LARP1B: variants seen among roughly 807,000 people sequenced by gnomAD.
LARP1B encodes the protein la-related protein 1B.
Under a neutral mutation model 114.2 loss-of-function variants are expected in LARP1B, and 76 were observed. That is an observed-to-expected ratio of 0.67 (90% CI 0.55 to 0.81). The LOEUF (loss-of-function observed/expected upper bound fraction) is 0.81. Among genes scored for constraint, LARP1B ranks in the 30% least tolerant of loss-of-function variants. LARP1B has a pLI of 0.00. For missense variants in LARP1B, 1,014 were observed against 1,075.8 expected, an observed-to-expected ratio of 0.94 and a Z score of 0.80; for synonymous variants, 345 against 348.0, an observed-to-expected ratio of 0.99 and a Z score of 0.10.
At chr4:128,145,917 T>C (rs1158057340) in intron 11 of LARP1B, among the ~76,000 whole-genome samples, 1 of 152,188 alleles carries the variant, frequency 6.6e-6, no homozygotes, top group Non-Finnish European at 1.5e-5. Flanking sequence ...CATTACATCA[T>C]AAAATTAAAA....
intron 15 of LARP1B, among the ~76,000 whole-genome samples, chr4:128,181,180 C>CTT (rs70966086): frequency 2.3e-5 from 3 of 130,018 alleles, no homozygotes; most frequent in African/African-American, 8.3e-5. Flanking sequence ...CTCATCCATT[C>CTT]TTTTTTTTTT....
chr4:128,083,586 C>T (rs1239812341), intron 5 of LARP1B, among the ~76,000 whole-genome samples: 2 of 148,408 alleles, frequency 1.3e-5, no homozygotes, highest in African/African-American at 5.0e-5. Context: ...ACCCCCCCAC[C>T]TCCCTCCCAG....
chr4:128,061,536 CGCGGCCTCGGCGGGCGGCGGCA>C, intron 1 of LARP1B, 135 bp downstream of exon 1: 2 of 309,020 alleles, frequency 6.5e-6, no homozygotes, highest in Non-Finnish European at 9.4e-6. Context: ...CCGGGCGCTG[CGCGGCCTCGGCGGGCGGCGGCA>C]GCGGCGGCCA....
chr4:128,161,438 G>C (rs536100296), intron 11 of LARP1B, among the ~76,000 whole-genome samples: 1 of 152,296 alleles, frequency 6.6e-6, no homozygotes, highest in Non-Finnish European at 1.5e-5. Context: ...AATATACTGA[G>C]TCTCTTTGCT....
intron 19 of LARP1B, among the ~76,000 whole-genome samples, chr4:128,208,161 C>T (rs1758086911): frequency 6.6e-6 from 1 of 151,948 alleles, no homozygotes; most frequent in Admixed American, 6.6e-5. Flanking sequence ...AACTCTGTCT[C>T]TACTAAAAAT....
At chr4:128,061,862 A>T (rs1050791854) in intron 1 of LARP1B, 1 of 984,864 alleles carries the variant, frequency 1.0e-6, no homozygotes, top group Non-Finnish European at 1.2e-6. Flanking sequence ...CGCGGCCGCC[A>T]CTAGCGCTGG....
At chr4:128,069,673 C>A in intron 1 of LARP1B, 1 of 497,036 alleles carries the variant, frequency 2.0e-6, no homozygotes, top group South Asian at 2.3e-5. Flanking sequence ...ATTAAAATCA[C>A]AATATGGGTT....
At chr4:128,111,477 T>C (rs1403602608) in intron 9 of LARP1B, among the ~76,000 whole-genome samples, 1 of 151,954 alleles carries the variant, frequency 6.6e-6, no homozygotes, top group African/African-American at 2.4e-5. Flanking sequence ...GGTGAGAGGA[T>C]TGCTTGAGGC....
intron 9 of LARP1B, chr4:128,108,705 A>G (rs980920903): frequency 1.0e-6 from 1 of 984,568 alleles, no homozygotes; most frequent in African/African-American, 1.7e-5. Flanking sequence ...TATAAGTTAG[A>G]TTTATTTATG....
chr4:128,096,181 G>A (rs1426480182), intron 7 of LARP1B, among the ~76,000 whole-genome samples: 4 of 151,974 alleles, frequency 2.6e-5, no homozygotes, highest in Non-Finnish European at 4.4e-5. Context: ...TTTTAGTAGA[G>A]ACAGGGTTTC....
chr4:128,136,795 G>T (rs866974900), intron 11 of LARP1B, among the ~76,000 whole-genome samples: 19 of 152,172 alleles, frequency 1.2e-4, no homozygotes, highest in Middle Eastern at 3.4e-3. Context: ...TAGAGATGAG[G>T]TCTCACTATG....
At chr4:128,118,491 C>G (rs922833376) in intron 10 of LARP1B, among the ~76,000 whole-genome samples, 3 of 151,960 alleles carry the variant, frequency 2.0e-5, no homozygotes, top group African/African-American at 7.3e-5. Flanking sequence ...CCGCCTCAGC[C>G]TCCCAAAGTG....
intron 5 of LARP1B, among the ~76,000 whole-genome samples, chr4:128,083,956 C>T (rs1772102765): frequency 6.6e-6 from 1 of 151,584 alleles, no homozygotes; most frequent in Non-Finnish European, 1.5e-5. Context: ...GGGGCGGTTG[C>T]TGGGCGGAGG....
intron 15 of LARP1B, among the ~76,000 whole-genome samples, chr4:128,191,880 A>G (rs1752410361): frequency 6.6e-6 from 1 of 152,166 alleles, no homozygotes; most frequent in Non-Finnish European, 1.5e-5. Context: ...TTTCCAATGA[A>G]GAAGCTGAGT....
chr4:128,177,416 GCCTATT>G, intron 13 of LARP1B, among the ~76,000 whole-genome samples: 1 of 152,168 alleles, frequency 6.6e-6, no homozygotes, highest in South Asian at 2.1e-4. Context: ...CAGAAATAGT[GCCTATT>G]TTTTTTTGTT....
intron 19 of LARP1B, among the ~76,000 whole-genome samples, chr4:128,209,532 G>A (rs1758531889): frequency 6.6e-6 from 1 of 152,094 alleles, no homozygotes; most frequent in Non-Finnish European, 1.5e-5. Flanking sequence ...AAAAGAATGA[G>A]CAAATACTAG....
At chr4:128,129,889 A>G (rs1791016580) in intron 11 of LARP1B, among the ~76,000 whole-genome samples, 1 of 152,252 alleles carries the variant, frequency 6.6e-6, no homozygotes. Flanking sequence ...TCCAAAATGT[A>G]AAAGACAAAA....
chr4:128,098,768 T>TATATATATATATA (rs58280279), intron 8 of LARP1B, among the ~76,000 whole-genome samples: 47 of 18,818 alleles, frequency 2.5e-3, no homozygotes, highest in South Asian at 3.7e-3. Flanking sequence ...TATATATATA[T>TATATATATATATA]TTTTTTTTTT....
At chr4:128,095,992 ATT>A (rs71587360) in intron 7 of LARP1B, among the ~76,000 whole-genome samples, 8 of 125,358 alleles carry the variant, frequency 6.4e-5, no homozygotes, top group East Asian at 2.3e-4. Context: ...GGAGGCTATA[ATT>A]TTTTTTTTTT....
Sources: gnomAD v4.1 joint callset for allele counts (sites outside exome capture counted in the v4.1 genomes callset) on GRCh38, gnomAD v4.1.1 for gene constraint, MANE v1.5 for transcripts, NCBI Gene and HGNC (gene_info 2026-07-23, HGNC 2026-07-21) for gene names.